The following UGT8 variants were observed in gnomAD, a reference collection of about 807,000 sequenced individuals.
UGT8 encodes 2-hydroxyacylsphingosine 1-beta-galactosyltransferase.
UGT8 carries 12 observed loss-of-function variants against 40.5 expected under a neutral mutation model. The ratio of observed to expected loss-of-function variants is 0.30; its 90% CI spans 0.19 to 0.48. The LOEUF is 0.48. UGT8 is among the 20% of genes least tolerant of loss of function. The pLI, the probability that UGT8 is intolerant of heterozygous loss-of-function variation, is 0.99. For missense variants in UGT8, 513 were observed against 648.7 expected, an observed-to-expected ratio of 0.79 and a Z score of 2.27; for synonymous variants, 224 against 240.4, an observed-to-expected ratio of 0.93 and a Z score of 0.63.
chr4:114,660,379 T>C (rs931873142), intron 2 of UGT8, among the ~76,000 whole-genome samples: 2 of 152,076 alleles, frequency 1.3e-5, no homozygotes, highest in African/African-American at 4.8e-5. Flanking sequence ...TTTGAATTTG[T>C]TTCTCTGATT....
intron 2 of UGT8, among the ~76,000 whole-genome samples, chr4:114,649,289 A>G (rs1006594699): frequency 3.3e-5 from 5 of 152,202 alleles, no homozygotes; most frequent in Non-Finnish European, 2.9e-5. Flanking sequence ...TTTGAGTGAT[A>G]CTGGCCTAGC....
rs1262677814 is a variant in UGT8 at position 114,676,210 on chromosome 4, T to C, written c.1548T>C (p.Asn516=). Residue 516 remains asparagine, a synonymous_variant, in exon 6 of 6, where the codon AAT becomes AAC. Transcript: ENST00000310836. ...LWSRNKHSTV[N]GHYHNGILNG... ...CTAGAAATAAGCATAGCACAGTTAA[T>C]GGACATTACCACAATGGAATCCTCA... is the stretch of plus-strand genomic sequence containing the variant. 8.1e-6 allele frequency: 13 copies of C among 1,613,970 alleles called. No homozygotes were observed. Among genetic ancestry groups the C allele is most frequent in the African/African-American group, 1.3e-5 (1 of 74,908 alleles).
chr4:114,599,068 G>A (rs1183957444), intron 1 of UGT8, 94 bp downstream of exon 1: 6 of 145,348 alleles, frequency 4.1e-5, no homozygotes, highest in Admixed American at 3.4e-4. Context: ...GTGAGTGCCG[G>A]GCGAATGGCT....
Position 114,644,111 on chromosome 4 carries a change from C to T in UGT8, c.823-19884C>T, listed in dbSNP as rs144764118. On this transcript the variant is annotated intron_variant, in intron 2 of 5. Transcript: ENST00000310836. Reference sequence around the variant, plus strand: ...ACACAGCACTTGTTATGCCATTTCTCTCTTGAGAAATAGTTCTTTTGGGGC... The same window carrying T: ...ACACAGCACTTGTTATGCCATTTCTTTCTTGAGAAATAGTTCTTTTGGGGC... Among the ~76,000 whole-genome samples, 815 of 152,212 alleles carry T rather than the reference C, an allele frequency of 5.4e-3. 12 individuals are homozygous for T. The highest frequency in any genetic ancestry group is 0.019 in the African/African-American group (789 of 41,534).
intron 1 of UGT8, among the ~76,000 whole-genome samples, chr4:114,617,266 C>T (rs1731500545): frequency 6.6e-6 from 1 of 152,160 alleles, no homozygotes; most frequent in South Asian, 2.1e-4. Context: ...ACAAAACAAA[C>T]AGACAAACCC....
rs568931382 is a variant in UGT8 at position 114,631,187 on chromosome 4, A to C, written c.822+7485A>C. Among the ~76,000 whole-genome samples the C allele has an allele frequency of 3.9e-5, 6 of 152,304 alleles. No individual in the cohort carries two copies. In the East Asian group the frequency reaches 9.6e-4, roughly 24 times the overall value. On this transcript the variant is annotated intron_variant, in intron 2 of 5. Coordinates refer to ENST00000310836, the MANE Select transcript of UGT8 (RefSeq NM_001128174.3). Reference sequence around the variant, plus strand: ...AAAGTAATTGTGGTTTTTGTCATTAAAAGTAATATCCCAGCAGGGCTCAGT... The same window carrying C: ...AAAGTAATTGTGGTTTTTGTCATTACAAGTAATATCCCAGCAGGGCTCAGT...
At chr4:114,660,955 C>T (rs1004351223) in intron 2 of UGT8, among the ~76,000 whole-genome samples, 2 of 151,608 alleles carry the variant, frequency 1.3e-5, no homozygotes, top group African/African-American at 2.4e-5. Context: ...CTTCTACTAG[C>T]GGAGGGATAG....
At chr4:114,663,945 A>G in intron 2 of UGT8, 50 bp from the exon 3 acceptor site, 4 of 1,597,494 alleles carry the variant, frequency 2.5e-6, no homozygotes, top group Non-Finnish European at 3.4e-6. Flanking sequence ...AACACCAATT[A>G]TAAACTACAT....
intron 1 of UGT8, among the ~76,000 whole-genome samples, chr4:114,607,933 G>T (rs1730829110): frequency 6.6e-6 from 1 of 152,066 alleles, no homozygotes; most frequent in African/African-American, 2.4e-5. Context: ...ACAACCATCA[G>T]TCACTTGTCC....
intron 2 of UGT8, among the ~76,000 whole-genome samples, chr4:114,645,884 T>C (rs568197459): frequency 2.4e-4 from 37 of 152,278 alleles, no homozygotes; most frequent in African/African-American, 7.9e-4. Flanking sequence ...GTTTACTGAG[T>C]GCATACTGTG....
rs545837527 is a variant in UGT8 at position 114,617,116 on chromosome 4, C to T, written c.-2-5763C>T. On this transcript the variant is annotated intron_variant, in intron 1 of 5. Coordinates refer to ENST00000310836, the MANE Select transcript of UGT8 (RefSeq NM_001128174.3). ...AAAAAATACAAAAATTAGTTGGGCA[C>T]GGTGGTATGTGCCTGTAATCCCAGC... Among the ~76,000 whole-genome samples, 22 of 151,982 alleles carry T rather than the reference C, an allele frequency of 1.4e-4. No individual in the cohort carries two copies. The East Asian group carries it at 3.1e-3, about 21-fold the overall frequency.
At chr4:114,663,939 C>A in intron 2 of UGT8, 56 bp from the exon 3 acceptor site, 1 of 1,585,150 alleles carries the variant, frequency 6.3e-7, no homozygotes, top group Non-Finnish European at 8.6e-7. Context: ...GTTAATAACA[C>A]CAATTATAAA....
intron 2 of UGT8, among the ~76,000 whole-genome samples, chr4:114,628,563 T>TATA (rs1425705284): frequency 1.3e-5 from 2 of 151,668 alleles, no homozygotes; most frequent in Non-Finnish European, 2.9e-5. Context: ...CAAATATGCA[T>TATA]ATAAACAGGG....
rs963905189 is a variant in UGT8 at position 114,677,063 on chromosome 4, A to G, written c.*775A>G. 3.3e-5 allele frequency: 5 copies of G among 152,100 alleles called. No homozygotes were observed. The highest frequency in any genetic ancestry group is 1.2e-4 in the African/African-American group (5 of 41,432). The allele number at this position is 152,100 out of a possible 1,614,324, so 9.4% of individuals were successfully genotyped here. A position where few individuals can be genotyped will look rare whatever the true frequency, so the allele number is the denominator to read the frequency against. ...AATAATTTTCCTCTGGAAGAATTTTATAGTTTTTTCTATTTCATTTTAATG... is the reference window on the plus strand; with the variant it reads ...AATAATTTTCCTCTGGAAGAATTTTGTAGTTTTTTCTATTTCATTTTAATG... On this transcript the variant is annotated 3_prime_UTR_variant, in exon 6 of 6. Coordinates refer to ENST00000310836, the MANE Select transcript of UGT8 (RefSeq NM_001128174.3).
intron 2 of UGT8, among the ~76,000 whole-genome samples, chr4:114,648,285 G>A (rs1578444193): frequency 6.6e-6 from 1 of 151,890 alleles, no homozygotes; most frequent in Admixed American, 6.6e-5. Flanking sequence ...CTGTGGTGAG[G>A]AAGGAGGGGT....
intron 1 of UGT8, among the ~76,000 whole-genome samples, chr4:114,621,961 T>TA (rs1265512362): frequency 2.0e-5 from 3 of 152,136 alleles, no homozygotes; most frequent in African/African-American, 4.8e-5. Flanking sequence ...ATTCTTTTTT[T>TA]TTATTATTAT....
At chr4:114,603,891 C>G (rs931279438) in intron 1 of UGT8, among the ~76,000 whole-genome samples, 2 of 152,202 alleles carry the variant, frequency 1.3e-5, no homozygotes, top group African/African-American at 4.8e-5. Flanking sequence ...TTTGCTTTCA[C>G]AAGTACTCGC....
intron 3 of UGT8, among the ~76,000 whole-genome samples, chr4:114,664,351 A>C (rs1416150844): frequency 6.6e-6 from 1 of 152,212 alleles, no homozygotes; most frequent in Non-Finnish European, 1.5e-5. Context: ...ATAGCACAGA[A>C]AGAAGATATG....
chr4:114,671,371 C>G (rs1735263142), intron 5 of UGT8, among the ~76,000 whole-genome samples: 1 of 151,674 alleles, frequency 6.6e-6, no homozygotes, highest in African/African-American at 2.4e-5. Flanking sequence ...CAAAAACAAC[C>G]AACCAAAAAC....
Sources: allele counts gnomAD v4.1 joint callset (sites outside exome capture counted in the v4.1 genomes callset), GRCh38; gene constraint gnomAD v4.1.1; transcripts MANE v1.5; gene names NCBI Gene and HGNC (gene_info 2026-07-23, HGNC 2026-07-21).